Variants in FARP1 observed in about 807,000 individuals in gnomAD.
The protein encoded by FARP1 is FERM, ARHGEF and pleckstrin domain-containing protein 1.
FARP1 carries 52 observed loss-of-function variants against 128.8 expected under a neutral mutation model. That is an observed-to-expected ratio of 0.40 (90% confidence interval 0.32 to 0.51). The LOEUF is 0.51. Among genes scored for constraint, FARP1 ranks in the 20% least tolerant of loss-of-function variants. FARP1 has a pLI of 0.45. For synonymous variants in FARP1, 580 were observed against 551.8 expected (o/e 1.05, Z -0.72); for missense variants, 1,333 against 1,367.9 (o/e 0.97, Z 0.40).
chr13:98,266,603 G>A (rs1202396104), intron 2 of FARP1, among the ~76,000 whole-genome samples: 1 of 152,110 alleles, frequency 6.6e-6, no homozygotes, highest in African/African-American at 2.4e-5. Flanking sequence ...AACTACTTTT[G>A]GCAGATTTCA....
intron 2 of FARP1, among the ~76,000 whole-genome samples, chr13:98,338,203 A>G (rs539275618): frequency 6.6e-6 from 1 of 152,350 alleles, no homozygotes; most frequent in South Asian, 2.1e-4. Flanking sequence ...CAGAGGCACT[A>G]AGTACATTAA....
chr13:98,446,383 CATT>C (rs1892836375), intron 25 of FARP1, 178 bp downstream of exon 25: 1 of 602,206 alleles, frequency 1.7e-6, no homozygotes. Context: ...GGAAGACTGA[CATT>C]ATCATCCACT....
intron 24 of FARP1, among the ~76,000 whole-genome samples, chr13:98,443,148 T>A (rs1892597024): frequency 6.6e-6 from 1 of 152,282 alleles, no homozygotes; most frequent in Non-Finnish European, 1.5e-5. Flanking sequence ...GGTTTCACTT[T>A]TTTTTAATGG....
In FARP1 at chr13:98,395,370, TAACAAGCAGGC is replaced by T; in HGVS notation, c.1309_1319del (p.Asn437GlyfsTer16). 1 of 1,611,432 alleles carries T rather than the reference TAACAAGCAGGC, an allele frequency of 6.2e-7. No individual in the cohort carries two copies. The highest frequency in any genetic ancestry group is 8.5e-7 in the Non-Finnish European group (1 of 1,178,980). On this transcript the variant is annotated frameshift_variant, in exon 13 of 27. Coordinates refer to ENST00000319562, the MANE Select transcript of FARP1 (RefSeq NM_005766.4). LOFTEE classifies it high-confidence loss of function. Reference sequence around the variant, plus strand: ...CTGCGCCGAGGAGAAGCCCCGCGGGTAACAAGCAGGCGGACGGAGCCGCCTCGGCGCCCACG... The same window carrying T: ...CTGCGCCGAGGAGAAGCCCCGCGGGTGGACGGAGCCGCCTCGGCGCCCACG...
chr13:98,251,352 C>T lies in FARP1; in HGVS notation c.171+37939C>T, dbSNP rs547504394. Among the ~76,000 whole-genome samples, 23 of 152,258 alleles carry T rather than the reference C, an allele frequency of 1.5e-4. No homozygotes were observed. In the South Asian group the frequency reaches 3.3e-3, roughly 22 times the overall value. On this transcript the variant is annotated intron_variant, in intron 2 of 26. Coordinates refer to ENST00000319562, the MANE Select transcript of FARP1 (RefSeq NM_005766.4). The stretch of plus-strand genomic sequence containing the variant: ...TGTGCACTCTCAGGATGGTTTTATG[C>T]AAGAGATATAGACGACTTTATTTGC...
intron 1 of FARP1, among the ~76,000 whole-genome samples, chr13:98,175,188 A>G (rs917126876): frequency 1.3e-5 from 2 of 152,208 alleles, no homozygotes; most frequent in African/African-American, 4.8e-5. Flanking sequence ...GCCAAAGTTG[A>G]TATATGAGAT....
chr13:98,265,565 C>T lies in FARP1; in HGVS notation c.171+52152C>T, dbSNP rs557911989. Among the ~76,000 whole-genome samples, 206 of 151,496 alleles carry T rather than the reference C, an allele frequency of 1.4e-3. 3 individuals carry two copies. In the East Asian group the frequency reaches 0.016, roughly 12 times the overall value. ...CGATCTCCTGACCTCGTGATCCGCC[C>T]GCCTTGGCCTCCCAAAGTGCTGGGA... On this transcript the variant is annotated intron_variant, in intron 2 of 26. Coordinates refer to ENST00000319562, the MANE Select transcript of FARP1 (RefSeq NM_005766.4).
intron 2 of FARP1, chr13:98,328,420 C>G (rs564512961): frequency 2.6e-5 from 4 of 152,318 alleles, no homozygotes; most frequent in African/African-American, 9.6e-5. Context: ...ATGCCTTCAA[C>G]AAGTATAAAG....
intron 2 of FARP1, among the ~76,000 whole-genome samples, chr13:98,280,743 G>A (rs1031357712): frequency 2.0e-5 from 3 of 152,096 alleles, no homozygotes; most frequent in Non-Finnish European, 4.4e-5. Context: ...TTTACTGATC[G>A]TTTACTCAAT....
At chr13:98,268,818 G>GTGTATGTA (rs901859010) in intron 2 of FARP1, among the ~76,000 whole-genome samples, 6 of 144,386 alleles carry the variant, frequency 4.2e-5, no homozygotes, top group South Asian at 2.2e-4. Context: ...GTGTGTGTGT[G>GTGTATGTA]TATACAGCTT....
chr13:98,168,940 A>G lies in FARP1; in HGVS notation c.-24+25448A>G, dbSNP rs191222577. On this transcript the variant is annotated intron_variant, in intron 1 of 26. Transcript: ENST00000319562. ...TGCAGTGCAGTCTTTGTTTAACTCAATGTTGGTGTGTATATCATTATGACT... is the reference window on the plus strand; with the variant it reads ...TGCAGTGCAGTCTTTGTTTAACTCAGTGTTGGTGTGTATATCATTATGACT... Among the ~76,000 whole-genome samples the G allele has an allele frequency of 3.5e-4, 54 of 152,146 alleles. 2 individuals carry two copies. Among genetic ancestry groups the G allele is most frequent in the Middle Eastern group, 6.8e-3 (2 of 294 alleles).
intron 2 of FARP1, among the ~76,000 whole-genome samples, chr13:98,214,150 C>T (rs1350638465): frequency 6.6e-6 from 1 of 152,224 alleles, no homozygotes; most frequent in African/African-American, 2.4e-5. Context: ...TGCTGTTCTT[C>T]TCCGAGCCCC....
chr13:98,201,447 T>C (rs1016799487), intron 1 of FARP1, among the ~76,000 whole-genome samples: 1 of 152,132 alleles, frequency 6.6e-6, no homozygotes. Context: ...AGACCCTGCC[T>C]CAAAGAAACA....
intron 26 of FARP1, 42 bp from the exon 27 acceptor site, chr13:98,448,194 G>T: frequency 1.9e-6 from 3 of 1,547,760 alleles, no homozygotes; most frequent in Non-Finnish European, 2.7e-6. Flanking sequence ...TCAGGAGTCC[G>T]TCCAAACAAA....
chr13:98,440,895 G>A, intron 24 of FARP1, 59 bp downstream of exon 24: 3 of 1,507,614 alleles, frequency 2.0e-6, no homozygotes, highest in South Asian at 2.4e-5. Flanking sequence ...CAGAACCCAG[G>A]CAAACTTCTG....
chr13:98,197,824 G>A (rs1427396856), intron 1 of FARP1, among the ~76,000 whole-genome samples: 1 of 151,872 alleles, frequency 6.6e-6, no homozygotes, highest in African/African-American at 2.4e-5. Flanking sequence ...TTTTAGTAGA[G>A]ACGGGGTTTC....
chr13:98,429,654 TG>T (rs1483086002), intron 17 of FARP1, among the ~76,000 whole-genome samples: 6 of 152,122 alleles, frequency 3.9e-5, no homozygotes, highest in Non-Finnish European at 7.3e-5. Flanking sequence ...AGAGAATAAA[TG>T]CGGGGGCCCC....
chr13:98,144,903 C>T (rs1875405870), intron 1 of FARP1, among the ~76,000 whole-genome samples: 3 of 152,102 alleles, frequency 2.0e-5, no homozygotes, highest in Admixed American at 2.0e-4. Context: ...GGTTGGTCTC[C>T]AGGATGTGAC....
chr13:98,203,643 A>G (rs1194925926), intron 1 of FARP1, among the ~76,000 whole-genome samples: 4 of 152,110 alleles, frequency 2.6e-5, no homozygotes, highest in African/African-American at 7.2e-5. Flanking sequence ...TTATTCACTC[A>G]CCAGTTGATG....
Sources: gnomAD v4.1 joint callset for allele counts (sites outside exome capture counted in the v4.1 genomes callset) on GRCh38, gnomAD v4.1.1 for gene constraint, MANE v1.5 for transcripts, NCBI Gene and HGNC (gene_info 2026-07-23, HGNC 2026-07-21) for gene names.